The following TMEM114 variants were observed in gnomAD, a reference collection of about 807,000 sequenced individuals.
The protein encoded by TMEM114 is claudin-26.
In TMEM114, 6 loss-of-function variants were observed where a neutral mutation model predicts 6.2. The observed-to-expected ratio is 0.97, with a 90% CI of 0.53 to 1.91. The LOEUF (loss-of-function observed/expected upper bound fraction) is 1.91, where lower values mean the gene tolerates loss of function less well. TMEM114 is among the 40% of genes most tolerant of loss of function. The pLI is 0.01. For synonymous variants in TMEM114, 104 were observed against 73.0 expected, an observed-to-expected ratio of 1.42 and a Z score of -2.16; for missense variants, 218 against 158.3, an observed-to-expected ratio of 1.38 and a Z score of -2.02.
At chr16:8,549,336 C>T (rs962938711) in intron 2 of TMEM114, among the ~76,000 whole-genome samples, 2 of 151,634 alleles carry the variant, frequency 1.3e-5, no homozygotes, top group African/African-American at 4.9e-5. Context: ...CCCGTCTCTA[C>T]TAAAAATACA....
intron 2 of TMEM114, among the ~76,000 whole-genome samples, chr16:8,557,612 T>C (rs77137377): frequency 0.075 from 11,424 of 152,276 alleles, 529 homozygotes; most frequent in Middle Eastern, 0.18. Flanking sequence ...GAAATGTATG[T>C]GGCCCTTAAG....
chr16:8,589,383 G>A, intron 1 of TMEM114, 90 bp from the exon 2 acceptor site: 3 of 398,746 alleles, frequency 7.5e-6, no homozygotes, highest in East Asian at 7.1e-5. Flanking sequence ...CTCACCCTAA[G>A]TGCCCCACCC....
At chr16:8,586,460 G>C (rs1902324650) in intron 2 of TMEM114, among the ~76,000 whole-genome samples, 1 of 151,976 alleles carries the variant, frequency 6.6e-6, no homozygotes, top group Non-Finnish European at 1.5e-5. Flanking sequence ...GTTTTACCTG[G>C]GACATGACCC....
chr16:8,545,762 G>A (rs1291299632), intron 2 of TMEM114, among the ~76,000 whole-genome samples: 1 of 152,072 alleles, frequency 6.6e-6, no homozygotes, highest in African/African-American at 2.4e-5. Flanking sequence ...TTCATTTATG[G>A]TTTCATTGGT....
chr16:8,569,476 C>G (rs1901648870), downstream of TMEM114: 2 of 1,262,534 alleles, frequency 1.6e-6, no homozygotes, highest in Non-Finnish European at 2.0e-6. Context: ...GGCGTGAGGA[C>G]TTTGCAATCT....
intron 2 of TMEM114, among the ~76,000 whole-genome samples, chr16:8,563,583 G>C (rs62646472): frequency 2.7e-5 from 4 of 145,584 alleles, no homozygotes; most frequent in Admixed American, 6.8e-5. Context: ...GGAAATGAGT[G>C]AGTGAATGAG....
chr16:8,554,334 T>C (rs1900939825), intron 2 of TMEM114, among the ~76,000 whole-genome samples: 3 of 152,020 alleles, frequency 2.0e-5, no homozygotes, highest in Non-Finnish European at 4.4e-5. Context: ...GGCAGGAGCA[T>C]CGCTTGAGAC....
At chr16:8,544,065 GT>G (rs1451726742) in intron 2 of TMEM114, among the ~76,000 whole-genome samples, 1 of 152,082 alleles carries the variant, frequency 6.6e-6, no homozygotes, top group Non-Finnish European at 1.5e-5. Context: ...ATTAGCCTAG[GT>G]TTTCTTTTTG....
intron 2 of TMEM114, among the ~76,000 whole-genome samples, chr16:8,583,184 T>A (rs746401705): frequency 1.3e-5 from 2 of 152,122 alleles, no homozygotes; most frequent in Non-Finnish European, 2.9e-5. Context: ...AACTGTCTCA[T>A]CATGTTCTAC....
intron 2 of TMEM114, among the ~76,000 whole-genome samples, chr16:8,552,921 A>G (rs1900891441): frequency 6.6e-6 from 1 of 152,014 alleles, no homozygotes; most frequent in South Asian, 2.1e-4. Flanking sequence ...CACTCACTTT[A>G]GGTCTCTTAC....
intron 2 of TMEM114, among the ~76,000 whole-genome samples, chr16:8,553,159 A>G (rs1299943122): frequency 6.6e-6 from 1 of 152,214 alleles, no homozygotes; most frequent in Non-Finnish European, 1.5e-5. Flanking sequence ...CAGCCGTTTC[A>G]TTCCTCTGGT....
intron 2 of TMEM114, among the ~76,000 whole-genome samples, chr16:8,550,752 G>C (rs530887109): frequency 6.7e-6 from 1 of 149,758 alleles, no homozygotes; most frequent in South Asian, 2.1e-4. Flanking sequence ...TAACACTCCA[G>C]CTCTTGGGGC....
At chr16:8,588,351 C>G (rs1210561490) in intron 2 of TMEM114, among the ~76,000 whole-genome samples, 10 of 151,756 alleles carry the variant, frequency 6.6e-5, no homozygotes, top group Non-Finnish European at 8.8e-5. Context: ...ATTTCCTCAT[C>G]AGATCCTCCT....
intron 2 of TMEM114, among the ~76,000 whole-genome samples, chr16:8,549,025 A>G (rs531615110): frequency 6.6e-6 from 1 of 152,118 alleles, no homozygotes; most frequent in South Asian, 2.1e-4. Flanking sequence ...TACTAAAAAT[A>G]CAAAGATTTA....
At chr16:8,542,757 G>C (rs1034711929) in intron 2 of TMEM114, among the ~76,000 whole-genome samples, 4 of 152,090 alleles carry the variant, frequency 2.6e-5, no homozygotes, top group African/African-American at 9.7e-5. Context: ...TGGGTTATCT[G>C]AGGGAACTGG....
Position 8,590,043 on chromosome 16 carries a change from C to T in TMEM114, c.-205G>A, listed in dbSNP as rs1350132915. ...ACCTGCCGGCTCCGACCTGCACGCG[C>T]CCCCCGCTCAGCCGCCGTCCACGTT... On this transcript the variant is annotated 5_prime_UTR_variant, in exon 1 of 4. Coordinates refer to ENST00000620492, the MANE Select transcript of TMEM114 (RefSeq NM_001146336.2). 3 of 379,188 alleles carry T rather than the reference C, an allele frequency of 7.9e-6. No homozygotes were observed. Among genetic ancestry groups the T allele is most frequent in the African/African-American group, 4.2e-5 (2 of 47,776 alleles). 23.5% of individuals were successfully genotyped at this position (379,188 alleles called of 1,614,324 possible). A position where few individuals can be genotyped will look rare whatever the true frequency, so the allele number is the denominator to read the frequency against.
intron 2 of TMEM114, among the ~76,000 whole-genome samples, chr16:8,539,606 G>A (rs1183110597): frequency 6.6e-6 from 1 of 152,080 alleles, no homozygotes; most frequent in East Asian, 1.9e-4. Context: ...CCCATCCTGG[G>A]ATTCGGGGTT....
intron 2 of TMEM114, among the ~76,000 whole-genome samples, chr16:8,550,199 C>A (rs1201797904): frequency 6.6e-6 from 1 of 152,168 alleles, no homozygotes; most frequent in African/African-American, 2.4e-5. Context: ...TGGTGTTTAC[C>A]CACGTTGTGG....
chr16:8,558,215 T>C (rs1334411097), intron 2 of TMEM114, among the ~76,000 whole-genome samples: 1 of 152,034 alleles, frequency 6.6e-6, no homozygotes, highest in Non-Finnish European at 1.5e-5. Flanking sequence ...GCCACTTCAC[T>C]CCAGCCTAGG....
Sources: gnomAD v4.1 joint callset for allele counts (sites outside exome capture counted in the v4.1 genomes callset) on GRCh38, gnomAD v4.1.1 for gene constraint, MANE v1.5 for transcripts, NCBI Gene and HGNC (gene_info 2026-07-23, HGNC 2026-07-21) for gene names.